The following SSBP2 variants were observed in gnomAD, a reference collection of about 807,000 sequenced individuals.
The protein encoded by SSBP2 is single stranded DNA binding protein 2, also known as single-stranded DNA-binding protein 2.
SSBP2 carries 17 observed loss-of-function variants against 61.8 expected under a neutral mutation model. The observed-to-expected ratio is 0.28, with a 90% confidence interval of 0.19 to 0.41. SSBP2 has a LOEUF of 0.41. Ranked by LOEUF, SSBP2 falls within the 10% of genes least tolerant of loss-of-function variation. The pLI, the probability that SSBP2 is intolerant of heterozygous loss-of-function variation, is 1.00. For missense variants in SSBP2, 310 were observed against 458.7 expected, an observed-to-expected ratio of 0.68 and a Z score of 2.96; for synonymous variants, 139 against 141.3, an observed-to-expected ratio of 0.98 and a Z score of 0.12.
chr5:81,577,713 T>A (rs1372182172), intron 4 of SSBP2, among the ~76,000 whole-genome samples: 1 of 151,902 alleles, frequency 6.6e-6, no homozygotes, highest in Non-Finnish European at 1.5e-5. Flanking sequence ...AATTTCCACA[T>A]AACTTGGTAA....
chr5:81,435,592 C>T (rs974007024), intron 15 of SSBP2, among the ~76,000 whole-genome samples: 3 of 152,098 alleles, frequency 2.0e-5, no homozygotes, highest in African/African-American at 7.2e-5. Flanking sequence ...GAATAGCAAC[C>T]GATCTGATAT....
chr5:81,500,169 G>C (rs1295867681), intron 5 of SSBP2, among the ~76,000 whole-genome samples: 1 of 152,070 alleles, frequency 6.6e-6, no homozygotes, highest in Non-Finnish European at 1.5e-5. Context: ...ACTCATATCT[G>C]AACTATGTAA....
chr5:81,652,750 C>A (rs1173339315), intron 1 of SSBP2, among the ~76,000 whole-genome samples: 1 of 147,322 alleles, frequency 6.8e-6, no homozygotes, highest in African/African-American at 2.7e-5. Flanking sequence ...GATCAGCAAT[C>A]TCCAATTTTT....
At chr5:81,447,979 T>C (rs1277672931) in intron 11 of SSBP2, 1 of 152,312 alleles carries the variant, frequency 6.6e-6, no homozygotes, top group African/African-American at 2.4e-5. Context: ...TAAAATACTA[T>C]TTCCATGGAG....
At chr5:81,675,828 A>T (rs927396130) in intron 1 of SSBP2, among the ~76,000 whole-genome samples, 1 of 152,008 alleles carries the variant, frequency 6.6e-6, no homozygotes, top group Non-Finnish European at 1.5e-5. Context: ...GTTCTCCCCC[A>T]TATCTTAAAT....
intron 4 of SSBP2, among the ~76,000 whole-genome samples, chr5:81,609,674 G>C (rs1302299336): frequency 1.3e-5 from 2 of 152,158 alleles, no homozygotes; most frequent in Admixed American, 1.3e-4. Flanking sequence ...CCAAGCTAAA[G>C]GTCAAACCCA....
In SSBP2 at chr5:81,420,488, G is replaced by A. The variant is rs374951319; in HGVS notation, c.*16C>T. 9 of 1,612,832 alleles carry A rather than the reference G, an allele frequency of 5.6e-6. No individual in the cohort carries two copies. The highest frequency in any genetic ancestry group is 2.2e-5 in the South Asian group (2 of 91,040). On this transcript the variant is annotated 3_prime_UTR_variant, in exon 17 of 17. Transcript: ENST00000320672. ...GCTGACTCACTGTGGTTTTCATGAG[G>A]AGACTTGGTAATGGATCACACGCTC...
chr5:81,533,725 A>G (rs1770591927), intron 4 of SSBP2, among the ~76,000 whole-genome samples: 1 of 152,112 alleles, frequency 6.6e-6, no homozygotes, highest in African/African-American at 2.4e-5. Flanking sequence ...TACCTGAGCA[A>G]AACTCATGAG....
At chr5:81,633,517 A>T (rs1183451970) in intron 3 of SSBP2, among the ~76,000 whole-genome samples, 1 of 152,052 alleles carries the variant, frequency 6.6e-6, no homozygotes, top group East Asian at 1.9e-4. Flanking sequence ...CTCATGGGTA[A>T]TACCATTCAA....
chr5:81,636,670 A>G (rs952317520), intron 2 of SSBP2, 52 bp from the exon 3 acceptor site: 20 of 1,340,766 alleles, frequency 1.5e-5, no homozygotes, highest in Non-Finnish European at 2.1e-5. Flanking sequence ...TTTTCCACAC[A>G]TATTACAAAG....
At chr5:81,603,616 G>A (rs903362726) in intron 4 of SSBP2, among the ~76,000 whole-genome samples, 1 of 152,098 alleles carries the variant, frequency 6.6e-6, no homozygotes, top group Non-Finnish European at 1.5e-5. Flanking sequence ...CAGGCTCAAG[G>A]TAAAAACTGT....
At chr5:81,431,395 C>T (rs1762277355) in intron 15 of SSBP2, among the ~76,000 whole-genome samples, 1 of 152,008 alleles carries the variant, frequency 6.6e-6, no homozygotes, top group Non-Finnish European at 1.5e-5. Context: ...TACATTCTCA[C>T]TTATCATTTC....
chr5:81,440,700 C>T (rs1352593880), intron 13 of SSBP2, 64 bp from the exon 14 acceptor site: 2 of 1,210,592 alleles, frequency 1.7e-6, no homozygotes, highest in African/African-American at 1.6e-5. Context: ...CTCAATTTTA[C>T]AATATATTTA....
intron 3 of SSBP2, 39 bp from the exon 4 acceptor site, chr5:81,615,596 A>G (rs1199612817): frequency 1.5e-6 from 2 of 1,297,248 alleles, no homozygotes; most frequent in Middle Eastern, 2.1e-4. Flanking sequence ...AAAATCATAC[A>G]ACACCAATAT....
chr5:81,501,563 C>CTTTTTTTTT (rs71603598), intron 5 of SSBP2, among the ~76,000 whole-genome samples: 4 of 117,370 alleles, frequency 3.4e-5, no homozygotes, highest in African/African-American at 5.9e-5. Context: ...TCTTTCTTTT[C>CTTTTTTTTT]TTTTTTTTTT....
chr5:81,748,412 T>A (rs1403455277), intron 1 of SSBP2, among the ~76,000 whole-genome samples: 3 of 152,162 alleles, frequency 2.0e-5, no homozygotes, highest in Admixed American at 2.0e-4. Context: ...CCTTCAGATG[T>A]TAGTACATTG....
At chr5:81,484,344 C>G (rs1361552989) in intron 6 of SSBP2, among the ~76,000 whole-genome samples, 1 of 152,058 alleles carries the variant, frequency 6.6e-6, no homozygotes, top group Non-Finnish European at 1.5e-5. Flanking sequence ...CTTCATAAAA[C>G]TATAACTTAA....
At chr5:81,629,085 C>T in intron 3 of SSBP2, among the ~76,000 whole-genome samples, 1 of 152,098 alleles carries the variant, frequency 6.6e-6, no homozygotes. Flanking sequence ...CTCCCAGGTT[C>T]AAGCGATTCA....
intron 4 of SSBP2, among the ~76,000 whole-genome samples, chr5:81,597,651 A>G (rs1198358418): frequency 2.0e-5 from 3 of 152,288 alleles, no homozygotes; most frequent in Admixed American, 1.3e-4. Flanking sequence ...AATGTGGCAC[A>G]CATACACCAT....
Sources: gnomAD v4.1 joint callset for allele counts (sites outside exome capture counted in the v4.1 genomes callset) on GRCh38, gnomAD v4.1.1 for gene constraint, MANE v1.5 for transcripts, NCBI Gene and HGNC (gene_info 2026-07-23, HGNC 2026-07-21) for gene names.